ZC3H12B: variants seen among roughly 807,000 people sequenced by gnomAD.
The protein encoded by ZC3H12B is zinc finger CCCH-type containing 12B.
In ZC3H12B, 7 loss-of-function variants were observed where a neutral mutation model predicts 43.9. The observed-to-expected ratio is 0.16, with a 90% CI of 0.09 to 0.30. ZC3H12B has a LOEUF of 0.30. Among genes scored for constraint, ZC3H12B ranks in the 10% least tolerant of loss-of-function variants. The pLI is 1.00. For synonymous variants in ZC3H12B, 222 were observed against 241.7 expected (o/e 0.92, Z 0.76); for missense variants, 475 against 670.2 (o/e 0.71, Z 3.22).
chrX:65,178,351 G>A, the ZC3H12B span, among the ~76,000 whole-genome samples: 2,063 of 111,799 alleles, frequency 0.018, 23 homozygotes, highest in Non-Finnish European at 0.028. Context: ...ACATACGTAT[G>A]GGCAAAGACT....
chrX:65,067,435 C>T, the ZC3H12B span, among the ~76,000 whole-genome samples: 74 of 110,905 alleles, frequency 6.7e-4, no homozygotes, highest in African/African-American at 1.9e-3. Flanking sequence ...TGATGTGAGT[C>T]CCTACTCTAC....
the ZC3H12B span, among the ~76,000 whole-genome samples, chrX:65,298,699 ATTTGTTGACTGGTGTATTAGTCAGTTT>A: frequency 1.8e-5 from 2 of 111,939 alleles, no homozygotes; most frequent in African/African-American, 6.5e-5. Context: ...ACAAACTAAG[ATTTGTTGACTGGTGTATTAGTCAGTTT>A]TCATACTGCT....
intron 1 of ZC3H12B, among the ~76,000 whole-genome samples, chrX:65,489,629 C>T (rs2068177009): frequency 8.9e-6 from 1 of 111,937 alleles, no homozygotes; most frequent in Non-Finnish European, 1.9e-5. Context: ...GCTTCGACAT[C>T]AGTGATGATG....
the ZC3H12B span, among the ~76,000 whole-genome samples, chrX:65,156,361 C>G: frequency 9.0e-6 from 1 of 110,976 alleles, no homozygotes; most frequent in Non-Finnish European, 1.9e-5. Flanking sequence ...CTGCCACAAC[C>G]TGCTAAATTT....
chrX:65,454,124 G>A lies in ZC3H12B; in HGVS notation n.408-34522G>A, dbSNP rs187754076. Among the ~76,000 whole-genome samples, 537 of 112,663 alleles carry A rather than the reference G, an allele frequency of 4.8e-3. 4 individuals carry two copies. Among genetic ancestry groups the A allele is most frequent in the African/African-American group, 0.016 (502 of 31,079 alleles). On this transcript the variant is annotated intron_variant and non_coding_transcript_variant, in intron 3 of 5. Coordinates refer to the ZC3H12B transcript ENST00000617377. ...GAGGTACCAGGTGCATCTCACTGGG[G>A]ATTGTCAGACAGTGGGTGCAGGACA...
At chrX:65,282,865 C>A in the ZC3H12B span, among the ~76,000 whole-genome samples, 2 of 111,485 alleles carry the variant, frequency 1.8e-5, no homozygotes, top group African/African-American at 6.5e-5. Context: ...CAGGACCTGA[C>A]GGATTCACAG....
intron 3 of ZC3H12B, among the ~76,000 whole-genome samples, chrX:65,452,599 G>C (rs1281716313): frequency 8.9e-6 from 1 of 111,781 alleles, no homozygotes; most frequent in Non-Finnish European, 1.9e-5. Context: ...CCAACACTTT[G>C]GGAGGCCGAG....
At chrX:65,122,172 G>A in the ZC3H12B span, among the ~76,000 whole-genome samples, 3 of 111,138 alleles carry the variant, frequency 2.7e-5, no homozygotes, top group Non-Finnish European at 1.9e-5. Context: ...TCTGCTTGGT[G>A]CAGAGCTGAG....
the ZC3H12B span, among the ~76,000 whole-genome samples, chrX:65,037,831 TACTGC>T: frequency 1.8e-5 from 2 of 111,353 alleles, no homozygotes; most frequent in African/African-American, 6.5e-5. Context: ...CTACATTTAG[TACTGC>T]TATTGCTACC....
the ZC3H12B span, among the ~76,000 whole-genome samples, chrX:65,077,804 T>G: frequency 1.8e-5 from 2 of 112,098 alleles, no homozygotes; most frequent in Non-Finnish European, 3.8e-5. Context: ...CTGGGATATT[T>G]AGGAGGTAAA....
At chrX:65,167,442 G>A in the ZC3H12B span, among the ~76,000 whole-genome samples, 1 of 111,759 alleles carries the variant, frequency 8.9e-6, no homozygotes, top group Non-Finnish European at 1.9e-5. Context: ...TTTGGTTACT[G>A]TAGCCTTGTA....
intron 2 of ZC3H12B, among the ~76,000 whole-genome samples, chrX:65,381,186 T>C (rs1403259789): frequency 9.0e-6 from 1 of 111,097 alleles, no homozygotes; most frequent in Non-Finnish European, 1.9e-5. Flanking sequence ...AATCCAAAAT[T>C]GACCGCATAC....
intron 1 of ZC3H12B, among the ~76,000 whole-genome samples, chrX:65,493,923 T>A (rs1271272036): frequency 1.8e-5 from 2 of 111,932 alleles, no homozygotes; most frequent in Non-Finnish European, 3.8e-5. Flanking sequence ...CTTTGCATAC[T>A]TGGCTGTTGT....
the ZC3H12B span, among the ~76,000 whole-genome samples, chrX:65,352,040 C>A: frequency 8.9e-6 from 1 of 112,147 alleles, no homozygotes; most frequent in Non-Finnish European, 1.9e-5. Context: ...CAGCACTATT[C>A]ACAATAGCAA....
chrX:65,226,208 G>A, the ZC3H12B span, among the ~76,000 whole-genome samples: 2 of 111,795 alleles, frequency 1.8e-5, no homozygotes, highest in Non-Finnish European at 3.8e-5. Context: ...AGAAGAGAGT[G>A]GGGGCCAATA....
the ZC3H12B span, among the ~76,000 whole-genome samples, chrX:65,179,381 A>G: frequency 1.9e-5 from 2 of 106,868 alleles, no homozygotes; most frequent in African/African-American, 3.6e-5. Flanking sequence ...TGTTCTGCAC[A>G]TGTATCTCAT....
chrX:65,196,238 G>C, the ZC3H12B span, among the ~76,000 whole-genome samples: 1 of 108,397 alleles, frequency 9.2e-6, no homozygotes, highest in South Asian at 4.2e-4. Flanking sequence ...AGCCCCTCGT[G>C]AGGCAAGCTG....
At chrX:65,132,907 G>A in the ZC3H12B span, among the ~76,000 whole-genome samples, 3 of 111,682 alleles carry the variant, frequency 2.7e-5, no homozygotes, top group Non-Finnish European at 3.8e-5. Context: ...GTCTTCAGCC[G>A]TTAAGCTGAG....
exon 5 of ZC3H12B, chrX:65,507,199 T>G (rs1357780117): frequency 2.7e-5 from 3 of 111,815 alleles, no homozygotes; most frequent in African/African-American, 6.5e-5. Context: ...GCCAAAAATT[T>G]CAATACACTT....
Sources: allele counts gnomAD v4.1 joint callset (sites outside exome capture counted in the v4.1 genomes callset), GRCh38; gene constraint gnomAD v4.1.1; transcripts MANE v1.5; gene names NCBI Gene and HGNC (gene_info 2026-07-23, HGNC 2026-07-21).